RNLS: variants seen among roughly 807,000 people sequenced by gnomAD.
RNLS encodes renalase.
In RNLS, 39 loss-of-function variants were observed where a neutral mutation model predicts 39.8. The observed-to-expected ratio is 0.98, with a 90% CI of 0.76 to 1.28. RNLS has a LOEUF of 1.28. Ranked by LOEUF, RNLS falls within the 50% of genes most tolerant of loss-of-function variation. The pLI is 0.00. For missense variants in RNLS, 410 were observed against 413.3 expected (o/e 0.99, Z 0.07); for synonymous variants, 147 against 150.7 (o/e 0.98, Z 0.18).
chr10:88,527,848 A>C (rs979156416), intron 4 of RNLS, among the ~76,000 whole-genome samples: 2 of 152,140 alleles, frequency 1.3e-5, no homozygotes, highest in Non-Finnish European at 2.9e-5. Flanking sequence ...AAAACTTGAA[A>C]AAAAAATAAA....
chr10:88,327,528 C>T (rs1451733318), intron 5 of RNLS, among the ~76,000 whole-genome samples: 1 of 152,166 alleles, frequency 6.6e-6, no homozygotes, highest in Non-Finnish European at 1.5e-5. Context: ...TATAAGTTTC[C>T]TGAGGCCTCC....
exon 7 of RNLS, chr10:88,275,001 G>A (rs770485433): frequency 3.2e-5 from 51 of 1,613,074 alleles, no homozygotes; most frequent in South Asian, 7.7e-5. Context: ...GGGGCTCTTC[G>A]CACATCCTAG....
At chr10:88,524,421 T>C (rs1846953961) in intron 4 of RNLS, among the ~76,000 whole-genome samples, 1 of 152,146 alleles carries the variant, frequency 6.6e-6, no homozygotes, top group Non-Finnish European at 1.5e-5. Flanking sequence ...GTTGAGTATA[T>C]GTATGAATGA....
At chr10:88,226,738 CTTTTTTTTTTTTTT>C in the RNLS span, among the ~76,000 whole-genome samples, 1 of 69,444 alleles carries the variant, frequency 1.4e-5, no homozygotes, top group Non-Finnish European at 2.6e-5. Context: ...TCTCCCTTCA[CTTTTTTTTTTTTTT>C]TTTTTTTTTT....
At chr10:88,493,943 G>A (rs141848867) in intron 4 of RNLS, among the ~76,000 whole-genome samples, 15 of 152,242 alleles carry the variant, frequency 9.9e-5, no homozygotes, top group Non-Finnish European at 1.3e-4. Context: ...ACATTCAAAC[G>A]ATGATGTCTT....
chr10:88,577,154 C>G (rs1850257830), intron 3 of RNLS, among the ~76,000 whole-genome samples: 1 of 152,138 alleles, frequency 6.6e-6, no homozygotes, highest in African/African-American at 2.4e-5. Context: ...ATCCACTTCC[C>G]CCTATGTCAG....
chr10:88,178,336 T>C, the RNLS span, among the ~76,000 whole-genome samples: 1 of 152,196 alleles, frequency 6.6e-6, no homozygotes, highest in Non-Finnish European at 1.5e-5. Context: ...TGCAGCAGCC[T>C]GGTTCCTGGG....
the RNLS span, among the ~76,000 whole-genome samples, chr10:88,180,510 G>A: frequency 6.6e-6 from 1 of 152,132 alleles, no homozygotes; most frequent in Admixed American, 6.6e-5. Context: ...CTTTAGGTTG[G>A]TCAATTGGCT....
intron 4 of RNLS, among the ~76,000 whole-genome samples, chr10:88,523,001 C>T (rs1846852098): frequency 6.6e-6 from 1 of 152,078 alleles, no homozygotes; most frequent in Admixed American, 6.6e-5. Context: ...GTGGCATTTC[C>T]CTCTCTCTGG....
chr10:88,215,691 ATTTTTTTTTT>A, the RNLS span, among the ~76,000 whole-genome samples: 17 of 95,432 alleles, frequency 1.8e-4, no homozygotes, highest in Non-Finnish European at 3.3e-4. Flanking sequence ...ACCATCTGTA[ATTTTTTTTTT>A]TTTTTTTTTT....
intron 6 of RNLS, among the ~76,000 whole-genome samples, chr10:88,297,747 G>C (rs1844194819): frequency 6.6e-6 from 1 of 152,160 alleles, no homozygotes. Context: ...TTAGTTGATA[G>C]ACATTTGGGA....
intron 4 of RNLS, among the ~76,000 whole-genome samples, chr10:88,414,016 T>A (rs1351929330): frequency 6.6e-6 from 1 of 152,170 alleles, no homozygotes; most frequent in Non-Finnish European, 1.5e-5. Context: ...GGTATTAATA[T>A]AAATATCATG....
At chr10:88,477,707 C>T (rs1210355470) in intron 4 of RNLS, among the ~76,000 whole-genome samples, 1 of 152,160 alleles carries the variant, frequency 6.6e-6, no homozygotes, top group Non-Finnish European at 1.5e-5. Context: ...GCATCATCCC[C>T]CTTAATTTCC....
chr10:88,580,923 T>C (rs867535188), intron 3 of RNLS, among the ~76,000 whole-genome samples: 5 of 152,164 alleles, frequency 3.3e-5, no homozygotes, highest in Admixed American at 2.0e-4. Context: ...CCTAGCTAAG[T>C]TAAAAATGCA....
At chr10:88,351,749 T>A (rs981687986) in intron 5 of RNLS, among the ~76,000 whole-genome samples, 2 of 152,184 alleles carry the variant, frequency 1.3e-5, no homozygotes, top group African/African-American at 4.8e-5. Context: ...AGAAAGTCAT[T>A]GGTAGCTTGA....
chr10:88,397,389 C>A (rs7897033), intron 4 of RNLS, among the ~76,000 whole-genome samples: 42,422 of 151,730 alleles, frequency 0.28, 6,714 homozygotes, highest in African/African-American at 0.43. Flanking sequence ...GGACAAAGAT[C>A]TAACAAGGGA....
At chr10:88,390,970 G>A (rs1357259235) in intron 4 of RNLS, among the ~76,000 whole-genome samples, 1 of 152,124 alleles carries the variant, frequency 6.6e-6, no homozygotes, top group Non-Finnish European at 1.5e-5. Context: ...TCCCATAAAT[G>A]CAAATCCAAT....
intron 6 of RNLS, among the ~76,000 whole-genome samples, chr10:88,307,326 G>A (rs568325988): frequency 6.6e-6 from 1 of 152,252 alleles, no homozygotes; most frequent in South Asian, 2.1e-4. Context: ...GCCCACCTGG[G>A]CAATCAGGCA....
At chr10:88,236,230 G>A in the RNLS span, among the ~76,000 whole-genome samples, 2 of 152,190 alleles carry the variant, frequency 1.3e-5, no homozygotes, top group Non-Finnish European at 2.9e-5. Flanking sequence ...AGAGGTGGAG[G>A]CTTTGGCAGC....
Sources: gnomAD v4.1 joint callset for allele counts (sites outside exome capture counted in the v4.1 genomes callset) on GRCh38, gnomAD v4.1.1 for gene constraint, MANE v1.5 for transcripts, NCBI Gene and HGNC (gene_info 2026-07-23, HGNC 2026-07-21) for gene names.